ERBB4: variants seen among roughly 807,000 people sequenced by gnomAD.
The protein encoded by ERBB4 is erb-b2 receptor tyrosine kinase 4, also known as receptor tyrosine-protein kinase erbB-4.
A neutral mutation model predicts 158.0 loss-of-function variants in ERBB4; 42 were observed. The ratio of observed to expected loss-of-function variants is 0.27; its 90% CI spans 0.21 to 0.34. The LOEUF is 0.34. ERBB4 is among the 10% of genes least tolerant of loss of function. The pLI, the probability that ERBB4 is intolerant of heterozygous loss-of-function variation, is 1.00. For missense variants in ERBB4, 1,333 were observed against 1,624.1 expected (o/e 0.82, Z 3.08); for synonymous variants, 583 against 558.7 (o/e 1.04, Z -0.61).
At chr2:212,432,150 C>A (rs1035389938) in intron 1 of ERBB4, among the ~76,000 whole-genome samples, 4 of 152,070 alleles carry the variant, frequency 2.6e-5, no homozygotes, top group African/African-American at 7.2e-5. Flanking sequence ...GTTGCTATCA[C>A]CTTGAGGGAT....
At chr2:211,924,491 C>T (rs1046408683) in intron 3 of ERBB4, among the ~76,000 whole-genome samples, 1 of 151,886 alleles carries the variant, frequency 6.6e-6, no homozygotes, top group Non-Finnish European at 1.5e-5. Context: ...AATAAAAGCA[C>T]ATAAAAGATA....
rs769707072 is a variant in ERBB4, at chr2:211,560,262, C to CTTTTTTTTTTTTTTTTTTT, written c.2487+1622_2487+1640dup. 1.3e-3 allele frequency among the ~76,000 whole-genome samples: 62 copies of CTTTTTTTTTTTTTTTTTTT among 46,312 alleles called. 17 individuals carry two copies. The highest frequency in any genetic ancestry group is 2.2e-3 in the African/African-American group (23 of 10,452). 30.4% of individuals were successfully genotyped at this position (46,312 alleles called of 152,430 possible). ...CAGCACTAACAAATTTGAAGCTTAG[C>CTTTTTTTTTTTTTTTTTTT]TTTTTTTTTTTTTTTTTTTTTTTTT... is the stretch of plus-strand genomic sequence containing the variant. On this transcript the variant is annotated intron_variant, in intron 20 of 27. Transcript: ENST00000342788.
intron 1 of ERBB4, among the ~76,000 whole-genome samples, chr2:212,345,244 G>A (rs1056243520): frequency 4.1e-5 from 2 of 48,378 alleles, no homozygotes; most frequent in Non-Finnish European, 9.1e-5. Context: ...CCAGCCTGGG[G>A]GACAGAGCAA....
intron 3 of ERBB4, among the ~76,000 whole-genome samples, chr2:211,912,999 G>A (rs1048062119): frequency 3.9e-5 from 6 of 152,038 alleles, no homozygotes; most frequent in Non-Finnish European, 8.8e-5. Context: ...TCATTTGGCC[G>A]TGCTCTGAGC....
intron 20 of ERBB4, among the ~76,000 whole-genome samples, chr2:211,439,741 G>A (rs577264706): frequency 6.6e-6 from 1 of 152,106 alleles, no homozygotes; most frequent in African/African-American, 2.4e-5. Flanking sequence ...CATATACAAA[G>A]GATTTAGAAC....
At chr2:211,653,629 C>T (rs552425159) in intron 16 of ERBB4, among the ~76,000 whole-genome samples, 5 of 151,994 alleles carry the variant, frequency 3.3e-5, no homozygotes, top group East Asian at 3.9e-4. Context: ...TTGGATAATC[C>T]GCCAGTTAAA....
intron 25 of ERBB4, among the ~76,000 whole-genome samples, chr2:211,403,747 T>C (rs2063092742): frequency 6.6e-6 from 1 of 152,174 alleles, no homozygotes; most frequent in African/African-American, 2.4e-5. Flanking sequence ...TTCCTTTCTC[T>C]GACTCAATCG....
intron 9 of ERBB4, among the ~76,000 whole-genome samples, chr2:211,709,114 T>C (rs2073568369): frequency 2.0e-5 from 3 of 151,958 alleles, no homozygotes; most frequent in South Asian, 4.1e-4. Flanking sequence ...TGTAAATGCA[T>C]GGTCCTTACT....
intron 1 of ERBB4, among the ~76,000 whole-genome samples, chr2:212,334,928 C>A (rs980721992): frequency 5.9e-5 from 9 of 151,738 alleles, no homozygotes; most frequent in African/African-American, 1.9e-4. Context: ...CATAAGTAAG[C>A]AGGTAAACAG....
chr2:211,677,346 C>T (rs2072117337), intron 13 of ERBB4, among the ~76,000 whole-genome samples: 1 of 151,172 alleles, frequency 6.6e-6, no homozygotes, highest in Admixed American at 6.6e-5. Flanking sequence ...AGGCAGATCA[C>T]CTGAGGTCAG....
intron 2 of ERBB4, among the ~76,000 whole-genome samples, chr2:211,992,546 A>T (rs2082099963): frequency 1.1e-5 from 1 of 87,682 alleles, no homozygotes; most frequent in Non-Finnish European, 3.3e-5. Flanking sequence ...AGAGACAGTG[A>T]GAGAGAGAGA....
Position 212,170,879 on chromosome 2 carries a change from G to T in ERBB4, c.83-45976C>A, listed in dbSNP as rs182879846. 2.4e-3 allele frequency among the ~76,000 whole-genome samples: 359 copies of T among 152,222 alleles called. 2 individuals are homozygous for T. Among genetic ancestry groups the T allele is most frequent in the African/African-American group, 8.4e-3 (350 of 41,546 alleles). On this transcript the variant is annotated intron_variant, in intron 1 of 27. Transcript: ENST00000342788. Reference sequence around the variant, plus strand: ...AGACCTCATGGAGAACCTCTGCTAGGGCAGTGTGAAAGGGAAATGTGAAAT... The same window carrying T: ...AGACCTCATGGAGAACCTCTGCTAGTGCAGTGTGAAAGGGAAATGTGAAAT...
In ERBB4 at chr2:211,546,836, C is replaced by T. The variant is rs62180211; in HGVS notation, c.2487+15067G>A. On this transcript the variant is annotated intron_variant, in intron 20 of 27. Transcript: ENST00000342788. ...CCAGAATATTGTATGCCCATTTTAG[C>T]GTGCAAAACACAAACGTTCAGAAGA... Among the ~76,000 whole-genome samples, 386 of 152,130 alleles carry T rather than the reference C, an allele frequency of 2.5e-3. 1 individual carries two copies. The highest frequency in any genetic ancestry group is 4.0e-3 in the Non-Finnish European group (275 of 68,000).
intron 3 of ERBB4, among the ~76,000 whole-genome samples, chr2:211,919,787 A>C (rs569119758): frequency 6.6e-6 from 1 of 152,148 alleles, no homozygotes; most frequent in East Asian, 1.9e-4. Context: ...AAGTAGCTGG[A>C]ATAGGGCCGA....
chr2:211,924,028 T>G (rs1206703028), intron 3 of ERBB4, among the ~76,000 whole-genome samples: 1 of 152,108 alleles, frequency 6.6e-6, no homozygotes, highest in Non-Finnish European at 1.5e-5. Flanking sequence ...AGCCATAACC[T>G]AAATTTTAAA....
At chr2:211,789,352 C>T (rs952970792) in intron 3 of ERBB4, among the ~76,000 whole-genome samples, 5 of 152,148 alleles carry the variant, frequency 3.3e-5, no homozygotes, top group African/African-American at 7.2e-5. Context: ...GCAGTGCCCA[C>T]TATCTGTTCT....
At chr2:211,769,297 G>A (rs1575118678) in intron 4 of ERBB4, among the ~76,000 whole-genome samples, 1 of 152,118 alleles carries the variant, frequency 6.6e-6, no homozygotes, top group African/African-American at 2.4e-5. Context: ...CACTCAACAA[G>A]TCTCTGGGAA....
At chr2:211,386,040 T>A (rs761832523) in intron 27 of ERBB4, among the ~76,000 whole-genome samples, 5 of 152,204 alleles carry the variant, frequency 3.3e-5, no homozygotes, top group Admixed American at 2.0e-4. Context: ...CATAACCATA[T>A]ACCAGGCCCT....
At chr2:212,068,549 T>C (rs537886247) in intron 2 of ERBB4, among the ~76,000 whole-genome samples, 185 of 152,208 alleles carry the variant, frequency 1.2e-3, no homozygotes, top group African/African-American at 4.1e-3. Flanking sequence ...AAGTTTCCTC[T>C]GCTTGAATTC....
Sources: gnomAD v4.1 joint callset for allele counts (sites outside exome capture counted in the v4.1 genomes callset) on GRCh38, gnomAD v4.1.1 for gene constraint, MANE v1.5 for transcripts, NCBI Gene and HGNC (gene_info 2026-07-23, HGNC 2026-07-21) for gene names.